PGS1: variants seen among roughly 807,000 people sequenced by gnomAD.
The protein encoded by PGS1 is phosphatidylglycerophosphate synthase 1.
Under a neutral mutation model 58.3 loss-of-function variants are expected in PGS1, and 44 were observed. The ratio of observed to expected loss-of-function variants is 0.75; its 90% CI spans 0.59 to 0.97. PGS1 has a LOEUF of 0.97. PGS1 is among the 50% of genes least tolerant of loss of function. The pLI is 0.00. For missense variants in PGS1, 684 were observed against 731.1 expected, an observed-to-expected ratio of 0.94 and a Z score of 0.74; for synonymous variants, 330 against 311.0, an observed-to-expected ratio of 1.06 and a Z score of -0.64.
chr17:78,380,065 CA>C (rs2146027413), intron 1 of PGS1, among the ~76,000 whole-genome samples: 1 of 151,808 alleles, frequency 6.6e-6, no homozygotes, highest in South Asian at 2.1e-4. Context: ...AGGGTTTTTC[CA>C]TGTTGGTCAG....
chr17:78,384,797 T>C (rs1312414003), intron 1 of PGS1, among the ~76,000 whole-genome samples: 1 of 152,204 alleles, frequency 6.6e-6, no homozygotes, highest in Non-Finnish European at 1.5e-5. Flanking sequence ...ATGTGTCCCA[T>C]TGGTAGTGGG....
chr17:78,400,932 G>A lies in PGS1; in HGVS notation c.880+77G>A, dbSNP rs544819180. ...GGCCCGGGAGAGCACAACTCTAGGT[G>A]GTTCTGCCACAGGCATAGGGGACTT... On this transcript the variant is annotated intron_variant, in intron 6 of 9. Transcript: ENST00000262764. This position sits in a 1 kb window ranked among gnomAD's most constrained non-coding sequence, Gnocchi z 4.4. 34 of 1,301,684 alleles carry A rather than the reference G, an allele frequency of 2.6e-5. No homozygotes were observed. In the African/African-American group the frequency reaches 4.3e-4, roughly 16 times the overall value. The allele number at this position is 1,301,684 out of a possible 1,614,324, so 80.6% of individuals were successfully genotyped here.
At chr17:78,418,093 C>T (rs1003036936) in intron 8 of PGS1, among the ~76,000 whole-genome samples, 5 of 151,786 alleles carry the variant, frequency 3.3e-5, no homozygotes, top group African/African-American at 1.2e-4. Flanking sequence ...TCACGCCCGG[C>T]TAATGTTTGT....
At chr17:78,379,546 C>T (rs2081887529) in intron 1 of PGS1, among the ~76,000 whole-genome samples, 1 of 152,064 alleles carries the variant, frequency 6.6e-6, no homozygotes, top group Non-Finnish European at 1.5e-5. Flanking sequence ...TAATTCTTGG[C>T]CGGGTGTGGT....
At chr17:78,405,918 A>G (rs1028733282) in intron 7 of PGS1, among the ~76,000 whole-genome samples, 7 of 152,206 alleles carry the variant, frequency 4.6e-5, no homozygotes, top group African/African-American at 7.2e-5. Context: ...GTAGGCACAC[A>G]GCTGTGTTGT....
Position 78,399,095 on chromosome 17 carries a change from A to G in PGS1, c.512-253A>G, listed in dbSNP as rs2083458242. On this transcript the variant is annotated intron_variant, in intron 4 of 9. Coordinates refer to ENST00000262764, the MANE Select transcript of PGS1 (RefSeq NM_024419.5). ...GAGAAGGTTGGGTGCAGTTACCAGG[A>G]GAAGGGTGAATGGGTGCTGTGTGGC... Among the ~76,000 whole-genome samples the G allele has an allele frequency of 2.6e-5, 4 of 152,168 alleles. No homozygotes were observed. The South Asian group carries it at 8.3e-4, about 32-fold the overall frequency.
intron 1 of PGS1, 111 bp from the exon 2 acceptor site, chr17:78,392,365 G>T (rs1395745058): frequency 1.5e-6 from 1 of 662,774 alleles, no homozygotes; most frequent in Non-Finnish European, 2.6e-6. Context: ...CATAACACAA[G>T]CAACGCACCC....
At position 78,386,984 on chromosome 17, in the gene PGS1, ATGATGGTGATGATGATGATGATGG is replaced by A. The variant is rs1163193311; in HGVS notation, c.144-5486_144-5463del. Reference sequence around the variant, plus strand: ...GATGATGATGATGATGATGATGGTGATGATGGTGATGATGATGATGATGGTGATGATGATTAGCATTTTTGAGAC... The same window carrying A: ...GATGATGATGATGATGATGATGGTGATGATGATGATTAGCATTTTTGAGAC... On this transcript the variant is annotated intron_variant, in intron 1 of 9. Coordinates refer to ENST00000262764, the MANE Select transcript of PGS1 (RefSeq NM_024419.5). Among the ~76,000 whole-genome samples the A allele has an allele frequency of 8.3e-4, 125 of 151,410 alleles. 1 individual carries two copies. Among genetic ancestry groups the A allele is most frequent in the African/African-American group, 2.7e-3 (109 of 41,054 alleles).
At chr17:78,408,041 A>C (rs2084303845) in intron 7 of PGS1, among the ~76,000 whole-genome samples, 1 of 152,312 alleles carries the variant, frequency 6.6e-6, no homozygotes, top group South Asian at 2.1e-4. Flanking sequence ...CCATTTGCCG[A>C]TCGTTCAACA....
At chr17:78,416,853 C>T (rs2085236650) in intron 8 of PGS1, among the ~76,000 whole-genome samples, 1 of 152,310 alleles carries the variant, frequency 6.6e-6, no homozygotes, top group South Asian at 2.1e-4. Flanking sequence ...TCCCTAGAGG[C>T]CAAATCCTGC....
chr17:78,416,660 G>A (rs952569153), intron 8 of PGS1, among the ~76,000 whole-genome samples: 1 of 152,222 alleles, frequency 6.6e-6, no homozygotes, highest in African/African-American at 2.4e-5. Flanking sequence ...TCCCAAACCT[G>A]AATCTCAGGG....
At chr17:78,393,401 A>T (rs1034565198) in intron 2 of PGS1, among the ~76,000 whole-genome samples, 1 of 152,012 alleles carries the variant, frequency 6.6e-6, no homozygotes, top group Non-Finnish European at 1.5e-5. Context: ...CTTTTCCTCC[A>T]TGGTGAAGTT....
chr17:78,409,492 C>T (rs776997738), intron 7 of PGS1, among the ~76,000 whole-genome samples: 9 of 152,242 alleles, frequency 5.9e-5, no homozygotes, highest in Non-Finnish European at 1.3e-4. Context: ...GCAGCCCCAC[C>T]CTGTTTGCCT....
chr17:78,407,036 C>G (rs984128181), intron 7 of PGS1, among the ~76,000 whole-genome samples: 3 of 152,220 alleles, frequency 2.0e-5, no homozygotes, highest in African/African-American at 7.2e-5. Flanking sequence ...TGTGCTTCTG[C>G]CACTCCCTCT....
At position 78,398,332 on chromosome 17, in the gene PGS1, C is replaced by T. The variant is rs2083399968; in HGVS notation, c.492C>T (p.Asp164=). The T allele has an allele frequency of 6.2e-7, 1 of 1,613,508 alleles. No homozygotes were observed. Among genetic ancestry groups the T allele is most frequent in the Non-Finnish European group, 8.5e-7 (1 of 1,179,584 alleles). ...ATCTCAAGGTCTCCATTCTCTTAGACTTCACGCGGGGCTCACGAGGTAGGT... is the reference window on the plus strand; with the variant it reads ...ATCTCAAGGTCTCCATTCTCTTAGATTTCACGCGGGGCTCACGAGGTAGGT... ...PSNLKVSILL[D]FTRGSRGRKN... Residue 164 remains aspartate, a synonymous_variant, in exon 4 of 10, where the codon GAC becomes GAT. Coordinates refer to ENST00000262764, the MANE Select transcript of PGS1 (RefSeq NM_024419.5).
chr17:78,419,713 C>A, intron 9 of PGS1, 38 bp downstream of exon 9: 4 of 1,608,244 alleles, frequency 2.5e-6, no homozygotes, highest in South Asian at 2.2e-5. Context: ...ACGATTTTCC[C>A]GAGAGTTCAC....
At chr17:78,411,150 G>A (rs536326076) in intron 7 of PGS1, among the ~76,000 whole-genome samples, 14 of 152,300 alleles carry the variant, frequency 9.2e-5, no homozygotes, top group East Asian at 1.9e-4. Flanking sequence ...GTCTGGGGCC[G>A]GAGTTTCCTG....
intron 1 of PGS1, among the ~76,000 whole-genome samples, chr17:78,381,957 GAC>G (rs1190732597): frequency 3.9e-5 from 6 of 152,186 alleles, no homozygotes; most frequent in African/African-American, 1.4e-4. Context: ...CAAAGATAAA[GAC>G]ACAGCCCCAC....
At chr17:78,415,090 C>G in intron 8 of PGS1, 63 bp downstream of exon 8, 1 of 1,587,908 alleles carries the variant, frequency 6.3e-7, no homozygotes, top group Admixed American at 1.7e-5. Context: ...CCAGGCTCAC[C>G]CGTGCTGTGG....
Sources: allele counts gnomAD v4.1 joint callset (sites outside exome capture counted in the v4.1 genomes callset), GRCh38; gene constraint gnomAD v4.1.1; non-coding constraint Gnocchi (gnomAD v3.1); transcripts MANE v1.5; gene names NCBI Gene and HGNC (gene_info 2026-07-23, HGNC 2026-07-21).